CSNK1G3: variants seen among roughly 807,000 people sequenced by gnomAD.
The protein encoded by CSNK1G3 is casein kinase 1 gamma 3.
A neutral mutation model predicts 64.3 loss-of-function variants in CSNK1G3; 23 were observed. That is an observed-to-expected ratio of 0.36 (90% CI 0.26 to 0.51). The LOEUF (loss-of-function observed/expected upper bound fraction) is 0.51, where lower values mean the gene tolerates loss of function less well. Ranked by LOEUF, CSNK1G3 falls within the 20% of genes least tolerant of loss-of-function variation. The pLI, the probability that CSNK1G3 is intolerant of heterozygous loss-of-function variation, is 0.96. For missense variants in CSNK1G3, 357 were observed against 510.5 expected (o/e 0.70, Z 2.90); for synonymous variants, 158 against 162.2 (o/e 0.97, Z 0.20).
intron 5 of CSNK1G3, among the ~76,000 whole-genome samples, chr5:123,575,513 C>G (rs1308542204): frequency 6.6e-6 from 1 of 152,148 alleles, no homozygotes; most frequent in Admixed American, 6.5e-5. Context: ...TTCAAATACT[C>G]TCGTTTAGCA....
intron 2 of CSNK1G3, among the ~76,000 whole-genome samples, chr5:123,551,504 C>A (rs759136684): frequency 6.6e-6 from 1 of 152,070 alleles, no homozygotes; most frequent in African/African-American, 2.4e-5. Context: ...TGTTACTTAG[C>A]GTTAATATGA....
intron 1 of CSNK1G3, among the ~76,000 whole-genome samples, chr5:123,519,117 G>T (rs1175553871): frequency 6.6e-6 from 1 of 152,146 alleles, no homozygotes; most frequent in Non-Finnish European, 1.5e-5. Flanking sequence ...GCCATGGCAT[G>T]ATCTCGGTTC....
At chr5:123,533,064 T>TA (rs1402698123) in intron 1 of CSNK1G3, among the ~76,000 whole-genome samples, 3 of 152,006 alleles carry the variant, frequency 2.0e-5, no homozygotes, top group African/African-American at 7.2e-5. Flanking sequence ...CTTCTGTCTT[T>TA]AAATTTTTGG....
chr5:123,588,212 G>A (rs1202011416), intron 7 of CSNK1G3, 59 bp downstream of exon 7: 13 of 1,267,390 alleles, frequency 1.0e-5, no homozygotes, highest in East Asian at 2.3e-5. Flanking sequence ...TTAAGGTCCT[G>A]TCTTCCAACT....
intron 1 of CSNK1G3, among the ~76,000 whole-genome samples, chr5:123,525,748 CT>C (rs1483905133): frequency 6.6e-6 from 1 of 152,078 alleles, no homozygotes; most frequent in East Asian, 1.9e-4. Context: ...AATCCCAGCA[CT>C]TTGGGAGGCT....
In CSNK1G3 at chr5:123,548,201, A is replaced by G. The variant is rs192933445; in HGVS notation, c.178+2360A>G. Among the ~76,000 whole-genome samples, 1,415 of 152,190 alleles carry G rather than the reference A, an allele frequency of 9.3e-3. 13 individuals carry two copies. The highest frequency in any genetic ancestry group is 0.015 in the Non-Finnish European group (1,039 of 67,966). ...GTGCTTGGCATGGTGGCTCACATCTATCATCTCAGAACTTTGGGAGACCAA... is the reference window on the plus strand; with the variant it reads ...GTGCTTGGCATGGTGGCTCACATCTGTCATCTCAGAACTTTGGGAGACCAA... On this transcript the variant is annotated intron_variant, in intron 2 of 12. Coordinates refer to ENST00000345990, the Ensembl canonical transcript of CSNK1G3.
intron 10 of CSNK1G3, among the ~76,000 whole-genome samples, chr5:123,591,623 T>C (rs1792385285): frequency 6.6e-6 from 1 of 152,088 alleles, no homozygotes; most frequent in African/African-American, 2.4e-5. Context: ...TAGTGTAAAC[T>C]TTTAGGAATA....
chr5:123,518,507 A>G (rs1041967031), intron 1 of CSNK1G3, among the ~76,000 whole-genome samples: 4 of 152,212 alleles, frequency 2.6e-5, no homozygotes, highest in South Asian at 2.1e-4. Flanking sequence ...GATCACATCT[A>G]GACATGCACT....
At chr5:123,556,666 T>A (rs373578505) in intron 3 of CSNK1G3, among the ~76,000 whole-genome samples, 68 of 152,198 alleles carry the variant, frequency 4.5e-4, no homozygotes, top group African/African-American at 1.6e-3. Flanking sequence ...TGGTTCTTTT[T>A]AAAATTTCCT....
chr5:123,576,568 A>G (rs1257324753), intron 6 of CSNK1G3, among the ~76,000 whole-genome samples: 1 of 152,000 alleles, frequency 6.6e-6, no homozygotes, highest in African/African-American at 2.4e-5. Context: ...CCCTTAAATC[A>G]TTTTCATCTG....
chr5:123,567,327 G>A (rs889384350), intron 4 of CSNK1G3, among the ~76,000 whole-genome samples: 5 of 152,194 alleles, frequency 3.3e-5, no homozygotes, highest in Admixed American at 2.0e-4. Flanking sequence ...AAGGCCAGGC[G>A]TGGTGGCTCA....
At chr5:123,567,693 G>T (rs1787200299) in intron 4 of CSNK1G3, among the ~76,000 whole-genome samples, 1 of 152,150 alleles carries the variant, frequency 6.6e-6, no homozygotes, top group Admixed American at 6.5e-5. Context: ...ATAAAAGTTT[G>T]TCTTTCACAG....
In CSNK1G3 at chr5:123,578,937, C is replaced by T. The variant is rs545565962; in HGVS notation, c.673+2974C>T. Among the ~76,000 whole-genome samples, 248 of 152,030 alleles carry T rather than the reference C, an allele frequency of 1.6e-3. 1 individual carries two copies. The highest frequency in any genetic ancestry group is 5.8e-3 in the African/African-American group (239 of 41,530). On this transcript the variant is annotated intron_variant, in intron 6 of 12. Transcript: ENST00000345990. ...GAGAAAGTACAAACTTAATTATCTG[C>T]TTTTAGATATTATTCTGCTTTCAGA...
intron 6 of CSNK1G3, among the ~76,000 whole-genome samples, chr5:123,584,462 A>AT (rs1345205704): frequency 1.3e-5 from 2 of 152,194 alleles, no homozygotes; most frequent in African/African-American, 2.4e-5. Flanking sequence ...ACATTGATTG[A>AT]TTTTTAAAAG....
At chr5:123,535,797 A>G (rs1780693283) in intron 1 of CSNK1G3, among the ~76,000 whole-genome samples, 1 of 152,132 alleles carries the variant, frequency 6.6e-6, no homozygotes, top group Non-Finnish European at 1.5e-5. Flanking sequence ...TTCAGATATC[A>G]AAATGACCCG....
At chr5:123,529,716 A>G (rs550764834) in intron 1 of CSNK1G3, among the ~76,000 whole-genome samples, 1 of 152,262 alleles carries the variant, frequency 6.6e-6, no homozygotes, top group East Asian at 1.9e-4. Flanking sequence ...GGTATGGTGA[A>G]TATTTCGGTA....
At chr5:123,570,624 G>A (rs1426189155) in intron 4 of CSNK1G3, among the ~76,000 whole-genome samples, 2 of 152,112 alleles carry the variant, frequency 1.3e-5, no homozygotes, top group African/African-American at 2.4e-5. Context: ...CCAAAGTCCT[G>A]GGATTACAGG....
intron 4 of CSNK1G3, among the ~76,000 whole-genome samples, chr5:123,567,830 A>G (rs1243053720): frequency 6.6e-6 from 1 of 152,204 alleles, no homozygotes; most frequent in Non-Finnish European, 1.5e-5. Context: ...TCTCAAGCAC[A>G]TCTTTATTAA....
At chr5:123,590,938 T>C (rs1204684771) in intron 9 of CSNK1G3, among the ~76,000 whole-genome samples, 9 of 152,042 alleles carry the variant, frequency 5.9e-5, no homozygotes. Context: ...TATTAGTTTT[T>C]TTATTCTTTT....
Sources: gnomAD v4.1 joint callset for allele counts (sites outside exome capture counted in the v4.1 genomes callset) on GRCh38, gnomAD v4.1.1 for gene constraint, MANE v1.5 for transcripts, NCBI Gene and HGNC (gene_info 2026-07-23, HGNC 2026-07-21) for gene names.